Variants in FAM32A observed in about 807,000 individuals in gnomAD.
FAM32A encodes the protein family with sequence similarity 32 member A.
Under a neutral mutation model 15.8 loss-of-function variants are expected in FAM32A, and 9 were observed. The ratio of observed to expected loss-of-function variants is 0.57; its 90% CI spans 0.34 to 1.00. FAM32A has a LOEUF of 1.00. FAM32A is among the 50% of genes least tolerant of loss of function. The pLI, the probability that FAM32A is intolerant of heterozygous loss-of-function variation, is 0.02. For synonymous variants in FAM32A, 64 were observed against 54.9 expected (o/e 1.16, Z -0.73); for missense variants, 113 against 138.3 (o/e 0.82, Z 0.92).
At chr19:16,189,111 C>T (rs1225314044) in intron 2 of FAM32A, among the ~76,000 whole-genome samples, 2 of 150,390 alleles carry the variant, frequency 1.3e-5, no homozygotes, top group Admixed American at 6.7e-5. Context: ...TAACCTCCAC[C>T]TCCCGGGTTC....
chr19:16,190,659 T>A, intron 3 of FAM32A, 86 bp downstream of exon 3: 1 of 1,113,238 alleles, frequency 9.0e-7, no homozygotes, highest in Non-Finnish European at 1.4e-6. Flanking sequence ...AGGGAGCTGT[T>A]GGCATGTTGA....
At chr19:16,185,837 C>G in intron 2 of FAM32A, 72 bp downstream of exon 2, 1 of 1,487,514 alleles carries the variant, frequency 6.7e-7, no homozygotes, top group African/African-American at 1.4e-5. Context: ...GGGGTCAGGG[C>G]TGGGACGCTC....
Position 16,191,057 on chromosome 19 carries a change from C to T in FAM32A, c.*102C>T, listed in dbSNP as rs529177823. The T allele has an allele frequency of 5.2e-5, 45 of 872,904 alleles. 2 individuals are homozygous for T. The South Asian group carries it at 6.0e-4, about 12-fold the overall frequency. The allele number at this position is 872,904 out of a possible 1,614,324, so 54.1% of individuals were successfully genotyped here. A position where few individuals can be genotyped will look rare whatever the true frequency, so the allele number is the denominator to read the frequency against. On this transcript the variant is annotated 3_prime_UTR_variant, in exon 4 of 4. Coordinates refer to ENST00000263384, the MANE Select transcript of FAM32A (RefSeq NM_014077.4). Reference sequence around the variant, plus strand: ...TATTCTGGAAACATGGCTACACACACCCTTGCATCTTCTGCTACAGACTGC... The same window carrying T: ...TATTCTGGAAACATGGCTACACACATCCTTGCATCTTCTGCTACAGACTGC...
intron 2 of FAM32A, 148 bp downstream of exon 2, chr19:16,185,913 G>A (rs1599443804): frequency 1.0e-6 from 1 of 991,656 alleles, no homozygotes; most frequent in Non-Finnish European, 1.4e-6. Flanking sequence ...GTGAGTGAGA[G>A]AAGAGTCGCC....
At chr19:16,190,665 G>A (rs1051383391) in intron 3 of FAM32A, 92 bp downstream of exon 3, 3 of 1,067,568 alleles carry the variant, frequency 2.8e-6, no homozygotes, top group Admixed American at 1.9e-5. Context: ...CTGTTGGCAT[G>A]TTGACGAGAA....
At position 16,190,957 on chromosome 19, in the gene FAM32A, C is replaced by T. The variant is rs754102824; in HGVS notation, c.*2C>T. 2.7e-5 allele frequency: 43 copies of T among 1,613,126 alleles called. 2 individuals are homozygous for T. The highest frequency in any genetic ancestry group is 9.9e-5 in the South Asian group (9 of 91,068). On this transcript the variant is annotated 3_prime_UTR_variant, in exon 4 of 4. Transcript: ENST00000263384. Reference sequence around the variant, plus strand: ...CCCAAAGTCAGCTGGACGAAGTAGCCGCCTGCCCCCAGTATGGAGCAGCAT... The same window carrying T: ...CCCAAAGTCAGCTGGACGAAGTAGCTGCCTGCCCCCAGTATGGAGCAGCAT...
At chr19:16,185,935 G>T (rs1217848571) in intron 2 of FAM32A, among the ~76,000 whole-genome samples, 170 bp downstream of exon 2, 1 of 152,188 alleles carries the variant, frequency 6.6e-6, no homozygotes, top group Non-Finnish European at 1.5e-5. Context: ...TCTGCCGGGG[G>T]AGCTCCAAGG....
intron 3 of FAM32A, 21 bp downstream of exon 3, chr19:16,190,594 G>A: frequency 6.2e-7 from 1 of 1,600,576 alleles, no homozygotes; most frequent in South Asian, 1.1e-5. Context: ...GTGTCCAGTG[G>A]GGGAGACTGA....
chr19:16,186,866 G>A (rs374034026), intron 2 of FAM32A: 6 of 152,282 alleles, frequency 3.9e-5, no homozygotes, highest in African/African-American at 1.2e-4. Flanking sequence ...CTGGCAACTA[G>A]TGGCTAGAGG....
In FAM32A at chr19:16,185,785, G is replaced by T; in HGVS notation, c.216+20G>T. 6.5e-7 allele frequency: 1 copy of T among 1,543,848 alleles called. No homozygotes were observed. Among genetic ancestry groups the T allele is most frequent in the Non-Finnish European group, 8.7e-7 (1 of 1,144,692 alleles). ...AAGCGGGTGAGCAGAAGCAGAAGGCGGCGGGGAGGCGGGAACACCCGGCGC... is the reference window on the plus strand; with the variant it reads ...AAGCGGGTGAGCAGAAGCAGAAGGCTGCGGGGAGGCGGGAACACCCGGCGC... On this transcript the variant is annotated intron_variant, in intron 2 of 3. Coordinates refer to ENST00000263384, the MANE Select transcript of FAM32A (RefSeq NM_014077.4).
At position 16,191,871 on chromosome 19, in the gene FAM32A, A is replaced by G. The variant is rs917401393; in HGVS notation, c.*916A>G. The G allele has an allele frequency of 3.3e-5, 5 of 152,250 alleles. No homozygotes were observed. The highest frequency in any genetic ancestry group is 3.3e-4 in the Admixed American group (5 of 15,266). The allele number at this position is 152,250 out of a possible 1,614,324, so 9.4% of individuals were successfully genotyped here. On this transcript the variant is annotated 3_prime_UTR_variant, in exon 4 of 4. Transcript: ENST00000263384. ...CAGGTGTCCGTGTTGGAGGGCTGGG[A>G]TCTTGTAGGGCCTGTGCGTCCTGGC...
In FAM32A at chr19:16,190,863, C is replaced by G. The variant is rs187684892; in HGVS notation, c.271-24C>G. The G allele has an allele frequency of 1.7e-5, 27 of 1,607,546 alleles. No homozygotes were observed. The South Asian group carries it at 2.7e-4, about 16-fold the overall frequency. On this transcript the variant is annotated intron_variant, in intron 3 of 3. Transcript: ENST00000263384. The stretch of plus-strand genomic sequence containing the variant: ...ACCCCACTTGGGTCTGCGCTGACAC[C>G]GGCCTTCTACTCCACCTCCCCAGGA...
In FAM32A at chr19:16,185,662, T is replaced by C. The variant is rs2091382421; in HGVS notation, c.113T>C (p.Leu38Pro). 2 of 1,591,026 alleles carry C rather than the reference T, an allele frequency of 1.3e-6. No individual in the cohort carries two copies. Among genetic ancestry groups the C allele is most frequent in the Non-Finnish European group, 1.7e-6 (2 of 1,167,950 alleles). Reference sequence around the variant, plus strand: ...AAGGACAAAGACAAAGCGAAACTCCTGGAAGCAATGGGAACGAGCAAAAAG... The same window carrying C: ...AAGGACAAAGACAAAGCGAAACTCCCGGAAGCAATGGGAACGAGCAAAAAG... ...KKKDKDKAKL[L>P]EAMGTSKKNE... The change falls in exon 2 of 4, where the codon CTG (leucine) becomes CCG (proline). Residue 38 changes from leucine to proline, a missense_variant. This residue lies in a region of FAM32A where 112 missense variants were observed against 118.6 expected (regional missense o/e 0.94). Transcript: ENST00000263384.
chr19:16,185,582 C>A, intron 1 of FAM32A, 42 bp from the exon 2 acceptor site: 1 of 1,592,422 alleles, frequency 6.3e-7, no homozygotes, highest in Admixed American at 1.8e-5. Context: ...GGACCCCTGG[C>A]CCTGATCCTC....
intron 3 of FAM32A, 111 bp from the exon 4 acceptor site, chr19:16,190,776 G>A (rs1157560634): frequency 1.0e-6 from 1 of 991,162 alleles, no homozygotes; most frequent in African/African-American, 1.6e-5. Context: ...TTTGAGAGGA[G>A]GGGGCTCAGG....
At chr19:16,186,427 C>T (rs575039837) in intron 2 of FAM32A, 1 of 152,338 alleles carries the variant, frequency 6.6e-6, no homozygotes, top group Admixed American at 6.5e-5. Flanking sequence ...GCCACCACAC[C>T]TGGCTAATTT....
In FAM32A at chr19:16,191,270, A is replaced by G; in HGVS notation, c.*315A>G. On this transcript the variant is annotated 3_prime_UTR_variant, in exon 4 of 4. Transcript: ENST00000263384. ...GTAAAAATGTTTTCACCCGAGTTGC[A>G]TGTAACGCTCTGAGGCCAGCCAGCT... 1 of 358,804 alleles carries G rather than the reference A, an allele frequency of 2.8e-6. No homozygotes were observed. The highest frequency in any genetic ancestry group is 5.4e-6 in the Non-Finnish European group (1 of 185,774). 22.2% of individuals were successfully genotyped at this position (358,804 alleles called of 1,614,324 possible). A position where few individuals can be genotyped will look rare whatever the true frequency, so the allele number is the denominator to read the frequency against.
At chr19:16,190,207 C>T (rs1328683087) in intron 2 of FAM32A, among the ~76,000 whole-genome samples, 1 of 152,166 alleles carries the variant, frequency 6.6e-6, no homozygotes, top group Non-Finnish European at 1.5e-5. Context: ...CTTTGTTTTC[C>T]TCCAAACTGG....
chr19:16,191,457 C>T lies in FAM32A; in HGVS notation c.*502C>T, dbSNP rs1211515567. ...CAGGCCCTAGGGAAGCCACTTGCAA[C>T]TATGCGGCCTTCAGACTTCCTCCTC... is the stretch of plus-strand genomic sequence containing the variant. On this transcript the variant is annotated 3_prime_UTR_variant, in exon 4 of 4. Coordinates refer to ENST00000263384, the MANE Select transcript of FAM32A (RefSeq NM_014077.4). The T allele has an allele frequency of 6.4e-6, 1 of 155,820 alleles. No individual in the cohort carries two copies. Among genetic ancestry groups the T allele is most frequent in the African/African-American group, 2.4e-5 (1 of 41,478 alleles). 9.7% of individuals were successfully genotyped at this position (155,820 alleles called of 1,614,324 possible).
Sources: gnomAD v4.1 joint callset for allele counts (sites outside exome capture counted in the v4.1 genomes callset) on GRCh38, gnomAD v4.1.1 for gene constraint, gnomAD v4.1.1 regional missense constraint, MANE v1.5 for transcripts, NCBI Gene and HGNC (gene_info 2026-07-23, HGNC 2026-07-21) for gene names.